The following EPC2 variants were observed in gnomAD, a reference collection of about 807,000 sequenced individuals.
EPC2 encodes the protein enhancer of polycomb 2.
Under a neutral mutation model 92.1 loss-of-function variants are expected in EPC2, and 14 were observed. The ratio of observed to expected loss-of-function variants is 0.15; its 90% confidence interval spans 0.10 to 0.24. The LOEUF (loss-of-function observed/expected upper bound fraction) is 0.24. Among genes scored for constraint, EPC2 ranks in the 10% least tolerant of loss-of-function variants. The probability of loss-of-function intolerance (pLI) is 1.00; values close to 1 mark genes in which losing one functional copy is unlikely to be tolerated. For synonymous variants in EPC2, 340 were observed against 334.7 expected (o/e 1.02, Z -0.17); for missense variants, 755 against 971.5 (o/e 0.78, Z 2.96).
At chr2:148,743,235 A>G (rs1558826807) in intron 2 of EPC2, among the ~76,000 whole-genome samples, 1 of 151,944 alleles carries the variant, frequency 6.6e-6, no homozygotes, top group Non-Finnish European at 1.5e-5. Flanking sequence ...TTTTATCCTC[A>G]GTAATTTGAA....
At chr2:148,785,839 C>A (rs1683855911) in intron 13 of EPC2, among the ~76,000 whole-genome samples, 2 of 151,972 alleles carry the variant, frequency 1.3e-5, no homozygotes, top group Non-Finnish European at 1.5e-5. Context: ...ACAAGGAGAA[C>A]AATGAATCAG....
At chr2:148,668,236 A>T (rs977921280) in intron 1 of EPC2, among the ~76,000 whole-genome samples, 6 of 152,118 alleles carry the variant, frequency 3.9e-5, no homozygotes, top group African/African-American at 1.2e-4. Context: ...GCTTATTAAT[A>T]TGGTAAGTTA....
intron 1 of EPC2, among the ~76,000 whole-genome samples, chr2:148,653,049 G>A: frequency 6.6e-6 from 1 of 152,182 alleles, no homozygotes; most frequent in Non-Finnish European, 1.5e-5. Flanking sequence ...AAAAGAGCAT[G>A]TGCACGAGAG....
intron 2 of EPC2, among the ~76,000 whole-genome samples, chr2:148,706,556 A>G (rs1682004623): frequency 1.3e-5 from 2 of 152,318 alleles, no homozygotes; most frequent in Admixed American, 1.3e-4. Flanking sequence ...CAGATTCACC[A>G]AGGTTGAAAT....
chr2:148,694,796 G>T (rs1378648443), intron 2 of EPC2, among the ~76,000 whole-genome samples: 3 of 152,150 alleles, frequency 2.0e-5, no homozygotes, highest in Non-Finnish European at 4.4e-5. Context: ...ACGGAATCTT[G>T]CTCTGTTGCC....
At chr2:148,786,244 T>C in intron 13 of EPC2, 61 bp from the exon 14 acceptor site, 4 of 1,297,180 alleles carry the variant, frequency 3.1e-6, no homozygotes, top group Non-Finnish European at 3.3e-6. Flanking sequence ...AAATACTAAA[T>C]GGTAACGTCA....
chr2:148,758,450 T>C (rs965861556), intron 4 of EPC2, among the ~76,000 whole-genome samples: 9 of 152,126 alleles, frequency 5.9e-5, no homozygotes, highest in Admixed American at 5.9e-4. Flanking sequence ...GGCTGAAATG[T>C]AGTGGTGCAA....
At chr2:148,746,562 A>C (rs1224856570) in intron 3 of EPC2, among the ~76,000 whole-genome samples, 1 of 152,130 alleles carries the variant, frequency 6.6e-6, no homozygotes, top group African/African-American at 2.4e-5. Flanking sequence ...AACTAATTGC[A>C]GTACCTAACC....
intron 2 of EPC2, among the ~76,000 whole-genome samples, chr2:148,716,684 A>T (rs1256615448): frequency 2.0e-5 from 3 of 152,132 alleles, no homozygotes; most frequent in Non-Finnish European, 4.4e-5. Context: ...TTCACCAAAG[A>T]TGTTGGCCTG....
chr2:148,701,312 T>C (rs1681883236), intron 2 of EPC2, among the ~76,000 whole-genome samples: 1 of 152,192 alleles, frequency 6.6e-6, no homozygotes, highest in African/African-American at 2.4e-5. Flanking sequence ...ATAGAAGTGG[T>C]GAGAAGGAAC....
Position 148,786,483 on chromosome 2 carries a change from T to G in EPC2, c.*106T>G. The G allele has an allele frequency of 1.2e-6, 1 of 842,306 alleles. No homozygotes were observed. The highest frequency in any genetic ancestry group is 2.7e-5 in the East Asian group (1 of 37,184). 52.2% of individuals were successfully genotyped at this position (842,306 alleles called of 1,614,324 possible). ...GGATCACAGAGTGTAACAATGGACC[T>G]AAATGGACTATAGTATATTGGATGT... On this transcript the variant is annotated 3_prime_UTR_variant, in exon 14 of 14. Coordinates refer to ENST00000258484, the MANE Select transcript of EPC2 (RefSeq NM_015630.4).
rs761223846 is a variant in EPC2, at chr2:148,690,249, A to G, written c.189A>G (p.Gln63=). Residue 63 remains glutamine (Q), a synonymous_variant, in exon 2 of 14, where the codon CAA becomes CAG. Coordinates refer to ENST00000258484, the MANE Select transcript of EPC2 (RefSeq NM_015630.4). ...HHLQRAISAQ[Q]VFREKKESMV... is the part of the protein sequence containing the mutation. The stretch of plus-strand genomic sequence containing the variant: ...TACAGCGAGCAATTTCAGCACAGCA[A>G]GTGTTTAGAGAAAAAAAAGAGAGTA... 6.8e-6 allele frequency: 11 copies of G among 1,607,318 alleles called. No homozygotes were observed. The highest frequency in any genetic ancestry group is 8.5e-6 in the Non-Finnish European group (10 of 1,178,186).
At chr2:148,658,607 GTATATATATATATA>G (rs3076616) in intron 1 of EPC2, among the ~76,000 whole-genome samples, 2 of 141,262 alleles carry the variant, frequency 1.4e-5, no homozygotes, top group Non-Finnish European at 3.0e-5. Flanking sequence ...GTGTGTGTGT[GTATATATATATATA>G]TATATATATA....
intron 2 of EPC2, among the ~76,000 whole-genome samples, chr2:148,726,099 G>A (rs1244751159): frequency 2.6e-5 from 4 of 152,034 alleles, no homozygotes; most frequent in Non-Finnish European, 4.4e-5. Context: ...TTAGCATAAC[G>A]TCCTCAAGAT....
intron 1 of EPC2, among the ~76,000 whole-genome samples, chr2:148,662,303 C>A (rs1413493608): frequency 2.0e-5 from 3 of 152,154 alleles, no homozygotes; most frequent in Admixed American, 6.5e-5. Flanking sequence ...TTGACCCAGC[C>A]ATCCCATTAC....
At chr2:148,697,256 A>G (rs1574588521) in intron 2 of EPC2, among the ~76,000 whole-genome samples, 1 of 152,130 alleles carries the variant, frequency 6.6e-6, no homozygotes, top group East Asian at 1.9e-4. Context: ...CTACACTTTA[A>G]ACGTAGAAAT....
chr2:148,748,526 T>C (rs1325174906), intron 3 of EPC2, among the ~76,000 whole-genome samples: 3 of 152,156 alleles, frequency 2.0e-5, no homozygotes, highest in Admixed American at 2.0e-4. Flanking sequence ...AGGTTGAGTA[T>C]ACCTTATCCA....
intron 2 of EPC2, among the ~76,000 whole-genome samples, chr2:148,699,201 C>T (rs1443332123): frequency 6.6e-6 from 1 of 152,062 alleles, no homozygotes; most frequent in East Asian, 1.9e-4. Context: ...TTTAGATTTA[C>T]AAAAAAGCCA....
intron 2 of EPC2, among the ~76,000 whole-genome samples, chr2:148,696,690 C>T (rs1681752898): frequency 6.6e-6 from 1 of 152,190 alleles, no homozygotes; most frequent in South Asian, 2.1e-4. Context: ...CTCAGCAGAA[C>T]TGATTGTGTT....
Sources: gnomAD v4.1 joint callset for allele counts (sites outside exome capture counted in the v4.1 genomes callset) on GRCh38, gnomAD v4.1.1 for gene constraint, MANE v1.5 for transcripts, NCBI Gene and HGNC (gene_info 2026-07-23, HGNC 2026-07-21) for gene names.